SOAT1: variants seen among roughly 807,000 people sequenced by gnomAD.
SOAT1 encodes acyl-coenzyme A:cholesterol acyltransferase 1.
SOAT1 carries 55 observed loss-of-function variants against 69.5 expected under a neutral mutation model. That is an observed-to-expected ratio of 0.79 (90% CI 0.64 to 0.99). The LOEUF (loss-of-function observed/expected upper bound fraction) is 0.99. Ranked by LOEUF, SOAT1 falls within the 50% of genes least tolerant of loss-of-function variation. The probability of loss-of-function intolerance (pLI) is 0.00; values close to 1 mark genes in which losing one functional copy is unlikely to be tolerated. For missense variants in SOAT1, 580 were observed against 669.3 expected (o/e 0.87, Z 1.47); for synonymous variants, 231 against 224.7 (o/e 1.03, Z -0.25).
intron 5 of SOAT1, among the ~76,000 whole-genome samples, chr1:179,338,931 T>C (rs1427450027): frequency 6.6e-6 from 1 of 152,132 alleles, no homozygotes; most frequent in Non-Finnish European, 1.5e-5. Flanking sequence ...AAACCTGTTT[T>C]AGTCAGATAT....
At chr1:179,340,646 T>C (rs933463423) in intron 6 of SOAT1, among the ~76,000 whole-genome samples, 1 of 152,200 alleles carries the variant, frequency 6.6e-6, no homozygotes, top group Non-Finnish European at 1.5e-5. Flanking sequence ...CTTTTGTACA[T>C]AAGAACGATT....
Position 179,342,954 on chromosome 1 carries a change from T to G in SOAT1, c.941+11T>G, listed in dbSNP as rs151323751. The G allele has an allele frequency of 6.2e-7, 1 of 1,607,866 alleles. No homozygotes were observed. Among genetic ancestry groups the G allele is most frequent in the South Asian group, 1.1e-5 (1 of 90,896 alleles). On this transcript the variant is annotated intron_variant, in intron 9 of 15. Coordinates refer to ENST00000367619, the MANE Select transcript of SOAT1 (RefSeq NM_003101.6). ...TGACAGCTATCCCAGGTAATGGTACTGTGAACCAGAAATGTGGTAAACACC... is the reference window on the plus strand; with the variant it reads ...TGACAGCTATCCCAGGTAATGGTACGGTGAACCAGAAATGTGGTAAACACC...
chr1:179,301,497 T>C (rs1225333935), intron 1 of SOAT1, among the ~76,000 whole-genome samples: 1 of 152,124 alleles, frequency 6.6e-6, no homozygotes, highest in African/African-American at 2.4e-5. Flanking sequence ...TCGTTAGCTG[T>C]GTGGTCTTGG....
Position 179,351,399 on chromosome 1 carries a change from T to C in SOAT1, c.1533T>C (p.Asn511=). 6.2e-7 allele frequency: 1 copy of C among 1,614,122 alleles called. No individual in the cohort carries two copies. Among genetic ancestry groups the C allele is most frequent in the Non-Finnish European group, 8.5e-7 (1 of 1,179,960 alleles). Residue 511 remains asparagine, a synonymous_variant, in exon 15 of 16, where the codon AAT becomes AAC. Coordinates refer to ENST00000367619, the MANE Select transcript of SOAT1 (RefSeq NM_003101.6). ...TGTGGACTTCTCTTTTCTTGGGCAA[T>C]GGAGTCTTACTCTGCTTTTATTCTC... ...VLMWTSLFLG[N]GVLLCFYSQE...
At chr1:179,338,813 G>C (rs1236671198) in intron 5 of SOAT1, among the ~76,000 whole-genome samples, 1 of 152,010 alleles carries the variant, frequency 6.6e-6, no homozygotes, top group Non-Finnish European at 1.5e-5. Context: ...GTTTTTATTA[G>C]ACTGTGAAGA....
intron 2 of SOAT1, among the ~76,000 whole-genome samples, chr1:179,317,261 C>A (rs889789245): frequency 6.6e-6 from 1 of 152,124 alleles, no homozygotes; most frequent in African/African-American, 2.4e-5. Flanking sequence ...TGGCCTGGCG[C>A]GGTGGCTCAC....
Position 179,351,021 on chromosome 1 carries a change from C to CTTTTTTTTTTTTTTTTTT in SOAT1, c.1451-274_1451-257dup, listed in dbSNP as rs201449849. Among the ~76,000 whole-genome samples the CTTTTTTTTTTTTTTTTTT allele has an allele frequency of 1.0e-4, 13 of 127,590 alleles. 2 individuals are homozygous for CTTTTTTTTTTTTTTTTTT. Among genetic ancestry groups the CTTTTTTTTTTTTTTTTTT allele is most frequent in the African/African-American group, 2.3e-4 (8 of 34,706 alleles). The allele number at this position is 127,590 out of a possible 152,430, so 83.7% of individuals were successfully genotyped here. On this transcript the variant is annotated intron_variant, in intron 14 of 15. Coordinates refer to ENST00000367619, the MANE Select transcript of SOAT1 (RefSeq NM_003101.6). ...TGTTTTGATACCTGTATATTTCTTTCTTTTTTTTTTTTTTTTTTTTTTTTT... is the reference window on the plus strand; with the variant it reads ...TGTTTTGATACCTGTATATTTCTTTCTTTTTTTTTTTTTTTTTTTTTTTTTTTTTTTTTTTTTTTTTTT...
chr1:179,351,802 C>T (rs1666747826), intron 15 of SOAT1, among the ~76,000 whole-genome samples: 1 of 144,342 alleles, frequency 6.9e-6, no homozygotes, highest in African/African-American at 2.6e-5. Flanking sequence ...TCACTGCAAC[C>T]TCTGCCTCCC....
In SOAT1 at chr1:179,353,674, A is replaced by C. The variant is rs1357676673; in HGVS notation, c.*33A>C. On this transcript the variant is annotated 3_prime_UTR_variant, in exon 16 of 16. Transcript: ENST00000367619. The stretch of plus-strand genomic sequence containing the variant: ...GACTTTGTTTCCTCCTTGTCACTGA[A>C]GATTGGGTAGCTCCCTGATTTGGAG... 1 of 1,561,590 alleles carries C rather than the reference A, an allele frequency of 6.4e-7. No homozygotes were observed. The highest frequency in any genetic ancestry group is 1.7e-5 in the Admixed American group (1 of 59,530).
chr1:179,299,682 C>G (rs1664764173), intron 1 of SOAT1, among the ~76,000 whole-genome samples: 1 of 148,666 alleles, frequency 6.7e-6, no homozygotes, highest in Non-Finnish European at 1.5e-5. Context: ...TTGTGCTATA[C>G]TGTTTCATAT....
chr1:179,308,629 G>C (rs1665108074), intron 2 of SOAT1, among the ~76,000 whole-genome samples: 1 of 143,320 alleles, frequency 7.0e-6, no homozygotes, highest in Non-Finnish European at 1.5e-5. Context: ...CCGAGACCGC[G>C]CCACTGCACT....
intron 11 of SOAT1, 125 bp from the exon 12 acceptor site, chr1:179,347,475 T>G (rs1056505886): frequency 6.7e-6 from 4 of 600,402 alleles, no homozygotes; most frequent in Non-Finnish European, 8.9e-6. Flanking sequence ...CTGGAATGGG[T>G]AAACTGGAAT....
intron 2 of SOAT1, among the ~76,000 whole-genome samples, chr1:179,304,773 C>G (rs1338805930): frequency 6.6e-6 from 1 of 151,912 alleles, no homozygotes. Context: ...CTCACCCTCC[C>G]GAGTAGCTGG....
Position 179,353,491 on chromosome 1 carries a change from G to T in SOAT1, c.1597-94G>T. ...AAATGGTGGGAGGCATTTTAGAGAT[G>T]TACAATGTATCATATTAACATCCCT... On this transcript the variant is annotated intron_variant, in intron 15 of 15. Transcript: ENST00000367619. The T allele has an allele frequency of 2.8e-6, 3 of 1,086,756 alleles. No individual in the cohort carries two copies. In the South Asian group the frequency reaches 3.8e-5, roughly 14 times the overall value. 67.3% of individuals were successfully genotyped at this position (1,086,756 alleles called of 1,614,324 possible).
In SOAT1 at chr1:179,356,898, AG is replaced by A. The variant is rs1333282234; in HGVS notation, c.*3259del. ...TGGGGGGGGTCTCCCTATGTTGCCC[AG>A]GCTGGTCTCAAACTCTTCACCTCAA... On this transcript the variant is annotated 3_prime_UTR_variant, in exon 16 of 16. Coordinates refer to ENST00000367619, the MANE Select transcript of SOAT1 (RefSeq NM_003101.6). The A allele has an allele frequency of 1.3e-5, 2 of 149,824 alleles. No homozygotes were observed. The highest frequency in any genetic ancestry group is 4.9e-5 in the African/African-American group (2 of 40,622). The allele number at this position is 149,824 out of a possible 1,614,324, so 9.3% of individuals were successfully genotyped here.
At chr1:179,351,721 A>ATTTCTTTTTTT (rs1666741880) in intron 15 of SOAT1, among the ~76,000 whole-genome samples, 1 of 106,468 alleles carries the variant, frequency 9.4e-6, no homozygotes, top group African/African-American at 4.0e-5. Context: ...GCCCCTTCTA[A>ATTTCTTTTTTT]TTTTTTTTTT....
chr1:179,294,267 C>T (rs1664552901), intron 1 of SOAT1: 1 of 152,130 alleles, frequency 6.6e-6, no homozygotes, highest in African/African-American at 2.4e-5. Flanking sequence ...CAAAAATGCA[C>T]TCAGGAAGTC....
In SOAT1 at chr1:179,353,685, C is replaced by T; in HGVS notation, c.*44C>T. ...CTCCTTGTCACTGAAGATTGGGTAG[C>T]TCCCTGATTTGGAGCCAGCTGTTTC... On this transcript the variant is annotated 3_prime_UTR_variant, in exon 16 of 16. Transcript: ENST00000367619. 6.6e-7 allele frequency: 1 copy of T among 1,513,470 alleles called. No individual in the cohort carries two copies. The highest frequency in any genetic ancestry group is 9.2e-7 in the Non-Finnish European group (1 of 1,089,610). The allele number at this position is 1,513,470 out of a possible 1,614,324, so 93.8% of individuals were successfully genotyped here.
intron 1 of SOAT1, among the ~76,000 whole-genome samples, chr1:179,295,941 G>C (rs954540577): frequency 1.4e-5 from 2 of 146,238 alleles, no homozygotes; most frequent in African/African-American, 5.1e-5. Flanking sequence ...CTGGGATTAC[G>C]GGCATGTGCT....
Sources: allele counts gnomAD v4.1 joint callset (sites outside exome capture counted in the v4.1 genomes callset), GRCh38; gene constraint gnomAD v4.1.1; transcripts MANE v1.5; gene names NCBI Gene and HGNC (gene_info 2026-07-23, HGNC 2026-07-21).